LAMC2: variants seen among roughly 807,000 people sequenced by gnomAD.
LAMC2 encodes the protein laminin subunit gamma 2.
A neutral mutation model predicts 140.2 loss-of-function variants in LAMC2; 97 were observed. The ratio of observed to expected loss-of-function variants is 0.69; its 90% CI spans 0.59 to 0.82. The LOEUF (loss-of-function observed/expected upper bound fraction) is 0.82. Among genes scored for constraint, LAMC2 ranks in the 40% least tolerant of loss-of-function variants. The pLI, the probability that LAMC2 is intolerant of heterozygous loss-of-function variation, is 0.00. For synonymous variants in LAMC2, 513 were observed against 540.2 expected (o/e 0.95, Z 0.70); for missense variants, 1,402 against 1,476.1 (o/e 0.95, Z 0.82).
At chr1:183,212,757 T>C (rs554337292) in intron 2 of LAMC2, among the ~76,000 whole-genome samples, 1 of 152,210 alleles carries the variant, frequency 6.6e-6, no homozygotes, top group Non-Finnish European at 1.5e-5. Context: ...ACTCATTATC[T>C]TCTCTTGATA....
chr1:183,253,217 CTATGT>C, the LAMC2 span, among the ~76,000 whole-genome samples: 2 of 147,212 alleles, frequency 1.4e-5, no homozygotes, highest in East Asian at 3.9e-4. Context: ...TATAGTATAT[CTATGT>C]TATATTACAT....
chr1:183,199,407 TTCCTTCCTTCCTTTC>T (rs1259038673), intron 1 of LAMC2, among the ~76,000 whole-genome samples: 2 of 151,892 alleles, frequency 1.3e-5, no homozygotes, highest in African/African-American at 2.4e-5. Context: ...ACTGCCTATA[TTCCTTCCTTCCTTTC>T]TCCTTCCTTC....
chr1:183,252,726 C>G, the LAMC2 span: 1 of 1,613,952 alleles, frequency 6.2e-7, no homozygotes, highest in Non-Finnish European at 8.5e-7. Context: ...ATGGCCGTCC[C>G]CATGCTGCAG....
chr1:183,186,290 C>A lies in LAMC2; in HGVS notation c.-63C>A, dbSNP rs760226412. Reference sequence around the variant, plus strand: ...CAGCGGAGCGCAGAGTGAGAACCACCAACCGAGGCGCCGGGCAGCGACCCC... The same window carrying A: ...CAGCGGAGCGCAGAGTGAGAACCACAAACCGAGGCGCCGGGCAGCGACCCC... On this transcript the variant is annotated 5_prime_UTR_variant, in exon 1 of 23. Coordinates refer to ENST00000264144, the MANE Select transcript of LAMC2 (RefSeq NM_005562.3). 83 of 1,539,978 alleles carry A rather than the reference C, an allele frequency of 5.4e-5. No individual in the cohort carries two copies. Among genetic ancestry groups the A allele is most frequent in the Non-Finnish European group, 7.2e-5 (83 of 1,148,104 alleles).
chr1:183,225,018 C>A (rs980979000), intron 7 of LAMC2, among the ~76,000 whole-genome samples: 24 of 151,684 alleles, frequency 1.6e-4, no homozygotes, highest in Non-Finnish European at 2.9e-4. Context: ...TTTAACAAAT[C>A]AGTGAATGAA....
chr1:183,234,041 C>T (rs1659876228), intron 14 of LAMC2, among the ~76,000 whole-genome samples: 1 of 152,058 alleles, frequency 6.6e-6, no homozygotes, highest in Admixed American at 6.6e-5. Context: ...CATGCACCAC[C>T]ATGCCTGGCT....
Position 183,243,959 on chromosome 1 carries a change from C to A in LAMC2, c.*559C>A, listed in dbSNP as rs1660191074. On this transcript the variant is annotated 3_prime_UTR_variant, in exon 23 of 23. Transcript: ENST00000264144. ...AGGGTGTGAACATGTTCTCCATTTT[C>A]AAGCTGGAAGAAGTGAGCAGTGTTG... 5.8e-6 allele frequency: 1 copy of A among 172,410 alleles called. No individual in the cohort carries two copies. Among genetic ancestry groups the A allele is most frequent in the African/African-American group, 2.4e-5 (1 of 41,938 alleles). 10.7% of individuals were successfully genotyped at this position (172,410 alleles called of 1,614,324 possible).
chr1:183,203,480 G>GC (rs988400385), intron 1 of LAMC2, among the ~76,000 whole-genome samples: 3 of 100,738 alleles, frequency 3.0e-5, no homozygotes, highest in African/African-American at 1.1e-4. Flanking sequence ...CCTGCCCCCC[G>GC]CCCCCCCTCA....
At position 183,234,377 on chromosome 1, in the gene LAMC2, C is replaced by G. The variant is rs1659889762; in HGVS notation, c.2231C>G (p.Ala744Gly). 5 of 1,613,970 alleles carry G rather than the reference C, an allele frequency of 3.1e-6. No individual in the cohort carries two copies. Among genetic ancestry groups the G allele is most frequent in the Non-Finnish European group, 3.4e-6 (4 of 1,179,840 alleles). Residue 744 changes from alanine to glycine, a missense_variant, in exon 15 of 23, where the codon GCC (alanine) becomes GGC (glycine). Transcript: ENST00000264144. ...CTCCTTTTCCCACAGAACATTCCTG[C>G]CTCAGACCACTACGTGGGGCCAAAT... ...EASLGNTNIP[A>G]SDHYVGPNGF...
rs1660100153 is a variant in LAMC2, at chr1:183,240,409, C to G, written c.3328+18C>G. Reference sequence around the variant, plus strand: ...TCTGATGGGTATGTGAACCCACAACCCACAACCTTCCAGCTCCATGCTCCA... The same window carrying G: ...TCTGATGGGTATGTGAACCCACAACGCACAACCTTCCAGCTCCATGCTCCA... On this transcript the variant is annotated intron_variant, in intron 22 of 22. Coordinates refer to ENST00000264144, the MANE Select transcript of LAMC2 (RefSeq NM_005562.3). The G allele has an allele frequency of 6.2e-7, 1 of 1,613,986 alleles. No individual in the cohort carries two copies. The highest frequency in any genetic ancestry group is 8.5e-7 in the Non-Finnish European group (1 of 1,179,926).
chr1:183,213,794 G>A (rs1420984524), intron 2 of LAMC2, among the ~76,000 whole-genome samples: 13 of 150,098 alleles, frequency 8.7e-5, no homozygotes, highest in African/African-American at 2.0e-4. Context: ...GGCCAGGTGC[G>A]GTGGCTCATG....
At position 183,240,382 on chromosome 1, in the gene LAMC2, C is replaced by T. The variant is rs377350378; in HGVS notation, c.3319C>T (p.His1107Tyr). 6.2e-7 allele frequency: 1 copy of T among 1,614,242 alleles called. No homozygotes were observed. The highest frequency in any genetic ancestry group is 8.5e-7 in the Non-Finnish European group (1 of 1,180,030). Residue 1107 changes from histidine to tyrosine, a missense_variant, in exon 22 of 23, where the codon CAT (histidine) becomes TAT (tyrosine). His to Tyr is a moderately conservative substitution (Grantham distance 83). This residue lies in a region of LAMC2 where 670 missense variants were observed against 667.2 expected (regional missense o/e 1.00). Transcript: ENST00000264144. ...ACTCAACACATTAGACGGCCTCCTGCATCTGATGGGTATGTGAACCCACAA... is the reference window on the plus strand; with the variant it reads ...ACTCAACACATTAGACGGCCTCCTGTATCTGATGGGTATGTGAACCCACAA... ...DTLNTLDGLL[H>Y]LMDQPLSVDE...
chr1:183,196,930 G>A (rs548917328), intron 1 of LAMC2, among the ~76,000 whole-genome samples: 5 of 152,284 alleles, frequency 3.3e-5, no homozygotes, highest in African/African-American at 1.2e-4. Context: ...AGTGGTGAGC[G>A]TTATATGAAA....
At chr1:183,245,155 G>T (rs1229192670), downstream of LAMC2, among the ~76,000 whole-genome samples, 1 of 152,110 alleles carries the variant, frequency 6.6e-6, no homozygotes, top group African/African-American at 2.4e-5. Context: ...GGGTGGGGGG[G>T]ATATAGTTAA....
chr1:183,252,557 A>G, the LAMC2 span: 1 of 975,078 alleles, frequency 1.0e-6, no homozygotes, highest in Non-Finnish European at 1.7e-6. Context: ...CAAGACGAGG[A>G]GATGGAGAAA....
chr1:183,242,620 T>G (rs565382630), intron 22 of LAMC2, among the ~76,000 whole-genome samples: 1 of 152,254 alleles, frequency 6.6e-6, no homozygotes, highest in Non-Finnish European at 1.5e-5. Context: ...TGACATCAAT[T>G]TCTAGCAGCT....
intron 1 of LAMC2, among the ~76,000 whole-genome samples, chr1:183,200,920 C>A (rs1180133297): frequency 6.6e-6 from 1 of 152,208 alleles, no homozygotes; most frequent in African/African-American, 2.4e-5. Flanking sequence ...AGAGAAGTAG[C>A]ATACAGCAGT....
the LAMC2 span, chr1:183,250,558 C>T: frequency 6.6e-6 from 1 of 152,634 alleles, no homozygotes; most frequent in Non-Finnish European, 1.5e-5. Context: ...GTCAGGGAAA[C>T]AATATGTTCT....
chr1:183,197,149 G>A (rs988893305), intron 1 of LAMC2, among the ~76,000 whole-genome samples: 7 of 152,194 alleles, frequency 4.6e-5, no homozygotes, highest in African/African-American at 1.7e-4. Flanking sequence ...AGAAGTGATG[G>A]CAGGCAAGAG....
Sources: allele counts gnomAD v4.1 joint callset (sites outside exome capture counted in the v4.1 genomes callset), GRCh38; gene constraint gnomAD v4.1.1; regional missense constraint gnomAD v4.1.1; transcripts MANE v1.5; gene names NCBI Gene and HGNC (gene_info 2026-07-23, HGNC 2026-07-21).